Variants in LAGE3 observed in about 807,000 individuals in gnomAD.
The protein encoded by LAGE3 is L antigen family member 3, also known as EKC/KEOPS complex subunit LAGE3.
A neutral mutation model predicts 4.4 loss-of-function variants in LAGE3; 2 were observed. The observed-to-expected ratio is 0.46, with a 90% CI of 0.19 to 1.44. The LOEUF is 1.44. LAGE3 is among the 40% of genes most tolerant of loss of function. LAGE3 has a pLI of 0.26. For synonymous variants in LAGE3, 79 were observed against 60.0 expected (o/e 1.32, Z -1.47); for missense variants, 152 against 138.1 (o/e 1.10, Z -0.51).
Position 154,478,019 on chromosome X carries a change from G to A in LAGE3, c.357C>T (p.Ser119=), listed in dbSNP as rs1557211230. The A allele has an allele frequency of 1.4e-5, 17 of 1,211,921 alleles. No homozygotes were observed. Among genetic ancestry groups the A allele is most frequent in the Non-Finnish European group, 1.9e-5 (17 of 895,283 alleles). The change falls in exon 3 of 3, where the codon TCC becomes TCT. Residue 119 remains serine, a synonymous_variant. Transcript: ENST00000357360. ...AAAGCTGGTCAAGAAAGTTGATGAC[G>A]GAAATTCGGAGCAGGCGACAGTCTT... is the stretch of plus-strand genomic sequence containing the variant. ...KAEDCRLLRI[S]VINFLDQLSL...
Position 154,478,953 on chromosome X carries a change from G to T in LAGE3, c.-38C>A. 1.3e-6 allele frequency: 1 copy of T among 744,248 alleles called. No homozygotes were observed. Among genetic ancestry groups the T allele is most frequent in the Non-Finnish European group, 1.8e-6 (1 of 565,210 alleles). 61.3% of individuals were successfully genotyped at this position (744,248 alleles called of 1,213,427 possible). A position where few individuals can be genotyped will look rare whatever the true frequency, so the allele number is the denominator to read the frequency against. Reference sequence around the variant, plus strand: ...GCCGCTCCGACTCCACCCCCGAAGCGCAGGTCCTACGCCCCGCCCTCTCTG... The same window carrying T: ...GCCGCTCCGACTCCACCCCCGAAGCTCAGGTCCTACGCCCCGCCCTCTCTG... On this transcript the variant is annotated 5_prime_UTR_variant, in exon 1 of 3. Coordinates refer to ENST00000357360, the MANE Select transcript of LAGE3 (RefSeq NM_006014.5).
rs1391346037 is a variant in LAGE3 at position 154,478,069 on chromosome X, G to T, written c.318-11C>A. On this transcript the variant is annotated splice_polypyrimidine_tract_variant and intron_variant, in intron 2 of 2. Coordinates refer to ENST00000357360, the MANE Select transcript of LAGE3 (RefSeq NM_006014.5). ...TCAGCTTTCCAGCGGCTAAAAGTGA[G>T]GGGAAAAGAAAATCAAATTGGAGGT... 8.4e-7 allele frequency: 1 copy of T among 1,191,063 alleles called. No homozygotes were observed. Among genetic ancestry groups the T allele is most frequent in the African/African-American group, 1.8e-5 (1 of 57,115 alleles).
At position 154,478,868 on chromosome X, in the gene LAGE3, A is replaced by G; in HGVS notation, c.48T>C (p.Asp16=). The part of the protein sequence containing the change: ...ADAGGGADGG[D]GRGGHSCRGG... ...CGCGGCAGCTGTGGCCACCCCGGCC[A>G]TCCCCGCCGTCAGCGCCTCCGCCTG... Residue 16 remains aspartate, a synonymous_variant, in exon 1 of 3, where the codon GAT becomes GAC. Coordinates refer to ENST00000357360, the MANE Select transcript of LAGE3 (RefSeq NM_006014.5). 1 of 1,013,715 alleles carries G rather than the reference A, an allele frequency of 9.9e-7. No individual in the cohort carries two copies. Among genetic ancestry groups the G allele is most frequent in the Non-Finnish European group, 1.2e-6 (1 of 803,041 alleles). The allele number at this position is 1,013,715 out of a possible 1,213,427, so 83.5% of individuals were successfully genotyped here.
At position 154,479,007 on chromosome X, in the gene LAGE3, C is replaced by T. The variant is rs1338106918; in HGVS notation, c.-92G>A. ...CTCCTTCCCGAAGCCCCGCCCCCTG[C>T]GCACGACTCCGCCCACACGCGCCTG... On this transcript the variant is annotated 5_prime_UTR_variant, in exon 1 of 3. Coordinates refer to ENST00000357360, the MANE Select transcript of LAGE3 (RefSeq NM_006014.5). 3 of 428,806 alleles carry T rather than the reference C, an allele frequency of 7.0e-6. No individual in the cohort carries two copies. Among genetic ancestry groups the T allele is most frequent in the Non-Finnish European group, 1.1e-5 (3 of 283,570 alleles). 35.3% of individuals were successfully genotyped at this position (428,806 alleles called of 1,213,427 possible).
chrX:154,478,779 C>T lies in LAGE3; in HGVS notation c.137G>A (p.Gly46Asp), dbSNP rs782053419. The T allele has an allele frequency of 9.3e-5, 106 of 1,134,162 alleles. No individual in the cohort carries two copies. The highest frequency in any genetic ancestry group is 1.1e-4 in the Non-Finnish European group (99 of 865,907). The allele number at this position is 1,134,162 out of a possible 1,213,427, so 93.5% of individuals were successfully genotyped here. Residue 46 changes from glycine (G) to aspartate (D), a missense_variant, in exon 1 of 3, where the codon GGC becomes GAC. Coordinates refer to ENST00000357360, the MANE Select transcript of LAGE3 (RefSeq NM_006014.5). ...GAPPAHAPGP[G>D]RDAASAARGS... The stretch of plus-strand genomic sequence containing the variant: ...CCTGGCCGCAGACGCGGCGTCTCTG[C>T]CCGGACCTGGCGCGTGCGCTGGGGG...
chrX:154,478,280 T>C lies in LAGE3; in HGVS notation c.317+3A>G. The C allele has an allele frequency of 5.8e-6, 7 of 1,210,505 alleles. No individual in the cohort carries two copies. The highest frequency in any genetic ancestry group is 7.8e-6 in the Non-Finnish European group (7 of 895,155). On this transcript the variant is annotated splice_donor_region_variant and intron_variant, in intron 2 of 2. Transcript: ENST00000357360. The stretch of plus-strand genomic sequence containing the variant: ...CCCCAACCCCGTCCCTTTCAGAACT[T>C]ACACGACCAGGATCCTGCCACTCAC...
At chrX:154,478,669 C>T (rs1557211389) in intron 1 of LAGE3, 59 bp downstream of exon 1, 4 of 992,560 alleles carry the variant, frequency 4.0e-6, no homozygotes, top group Non-Finnish European at 5.1e-6. Context: ...CCCTCCTTTC[C>T]TTCTCCCCGA....
intron 2 of LAGE3, 92 bp from the exon 3 acceptor site, chrX:154,478,150 G>A: frequency 1.8e-6 from 2 of 1,109,354 alleles, no homozygotes; most frequent in Non-Finnish European, 2.5e-6. Context: ...CAAACCCTTG[G>A]GAGCCCTGCC....
rs1336326649 is a variant in LAGE3, at chrX:154,477,832, A to C, written c.*112T>G. On this transcript the variant is annotated 3_prime_UTR_variant, in exon 3 of 3. Coordinates refer to ENST00000357360, the MANE Select transcript of LAGE3 (RefSeq NM_006014.5). ...ACATTTAAGAACCAGATAAAACATG[A>C]GGCCCTCCCAGGAAAGTAGCAACTG... The C allele has an allele frequency of 1.3e-5, 7 of 522,051 alleles. No individual in the cohort carries two copies. The Admixed American group carries it at 2.5e-4, about 18-fold the overall frequency. The allele number at this position is 522,051 out of a possible 1,213,427, so 43.0% of individuals were successfully genotyped here. A position where few individuals can be genotyped will look rare whatever the true frequency, so the allele number is the denominator to read the frequency against.
At chrX:154,478,621 G>GGCCCCCCCCC in intron 1 of LAGE3, 107 bp downstream of exon 1, 1 of 933,727 alleles carries the variant, frequency 1.1e-6, no homozygotes, top group Non-Finnish European at 1.4e-6. Context: ...GCCAGCCCCG[G>GGCCCCCCCCC]TCCCCCCCTG....
rs1173821843 is a variant in LAGE3 at position 154,477,982 on chromosome X, G to A, written c.394C>T (p.Arg132Trp). 8 of 1,211,907 alleles carry A rather than the reference G, an allele frequency of 6.6e-6. No individual in the cohort carries two copies. The highest frequency in any genetic ancestry group is 8.9e-6 in the Non-Finnish European group (8 of 895,272). ...NFLDQLSLVV[R>W]TMQRFGPPVS... is the part of the protein sequence containing the mutation. ...GGGGGCCCAAAGCGCTGCATGGTCC[G>A]CACCACCAGGGAAAGCTGGTCAAGA... is the stretch of plus-strand genomic sequence containing the variant. The change falls in exon 3 of 3, where the codon CGG becomes TGG. Residue 132 changes from arginine to tryptophan, a missense_variant. Physicochemically the swap from Arg to Trp is moderately radical, Grantham distance 101. Coordinates refer to ENST00000357360, the MANE Select transcript of LAGE3 (RefSeq NM_006014.5).
chrX:154,477,873 T>A lies in LAGE3; in HGVS notation c.*71A>T, dbSNP rs925287204. ...GTAGCAACTGTGGGAATTCCTGCCCTAGGGAAGGATGGACGCACTGCCTAC... is the reference window on the plus strand; with the variant it reads ...GTAGCAACTGTGGGAATTCCTGCCCAAGGGAAGGATGGACGCACTGCCTAC... On this transcript the variant is annotated 3_prime_UTR_variant, in exon 3 of 3. Transcript: ENST00000357360. The A allele has an allele frequency of 3.3e-5, 27 of 828,642 alleles. No homozygotes were observed. The African/African-American group carries it at 5.3e-4, about 16-fold the overall frequency. 68.3% of individuals were successfully genotyped at this position (828,642 alleles called of 1,213,427 possible). A position where few individuals can be genotyped will look rare whatever the true frequency, so the allele number is the denominator to read the frequency against.
Position 154,478,722 on chromosome X carries a change from G to T in LAGE3, c.188+6C>A. On this transcript the variant is annotated splice_donor_region_variant and intron_variant, in intron 1 of 2. Transcript: ENST00000357360. ...CCGCAAGCAGCCCCCAGCTCGGAAA[G>T]GATACAATATGTGCGGCCGCATTCG... 9.5e-7 allele frequency: 1 copy of T among 1,056,491 alleles called. No homozygotes were observed. Among genetic ancestry groups the T allele is most frequent in the Non-Finnish European group, 1.2e-6 (1 of 823,761 alleles). The allele number at this position is 1,056,491 out of a possible 1,213,427, so 87.1% of individuals were successfully genotyped here.
chrX:154,479,232 G>A lies in LAGE3; in HGVS notation c.-317C>T, dbSNP rs2069259267. The A allele has an allele frequency of 4.3e-6, 1 of 230,401 alleles. No homozygotes were observed. The allele number at this position is 230,401 out of a possible 1,213,427, so 19.0% of individuals were successfully genotyped here. The stretch of plus-strand genomic sequence containing the variant: ...CGGCCCCAGGAAGCCAACCCTGACG[G>A]GGCTTTTGAAGACACCGTGGTCGCC... On this transcript the variant is annotated 5_prime_UTR_variant, in exon 1 of 3. Transcript: ENST00000357360.
chrX:154,478,768 C>T lies in LAGE3; in HGVS notation c.148G>A (p.Ala50Thr). The T allele has an allele frequency of 8.9e-7, 1 of 1,123,353 alleles. No individual in the cohort carries two copies. 92.6% of individuals were successfully genotyped at this position (1,123,353 alleles called of 1,213,427 possible). Residue 50 changes from alanine (A) to threonine (T), a missense_variant, in exon 1 of 3, where the codon GCG becomes ACG. By Grantham distance (58) the Ala-to-Thr change is moderately conservative (BLOSUM62 0). Coordinates refer to ENST00000357360, the MANE Select transcript of LAGE3 (RefSeq NM_006014.5). ...ATTCGTGACCCCCTGGCCGCAGACG[C>T]GGCGTCTCTGCCCGGACCTGGCGCG... ...AHAPGPGRDA[A>T]SAARGSRMRP...
intron 2 of LAGE3, 80 bp downstream of exon 2, chrX:154,478,203 C>T (rs1474081740): frequency 3.4e-6 from 4 of 1,162,049 alleles, no homozygotes; most frequent in African/African-American, 3.5e-5. Context: ...GCGCACCTGG[C>T]GCTCCTTAGG....
intron 1 of LAGE3, 35 bp downstream of exon 1, chrX:154,478,693 T>C (rs1557211398): frequency 2.4e-6 from 2 of 828,099 alleles, no homozygotes; most frequent in East Asian, 8.8e-5. Context: ...CAGCCCTCGC[T>C]CCGCCGCAAG....
Position 154,478,869 on chromosome X carries a change from TC to T in LAGE3, c.46del (p.Asp16MetfsTer84). ...GCGGCAGCTGTGGCCACCCCGGCCATCCCCGCCGTCAGCGCCTCCGCCTGCG... is the reference window on the plus strand; with the variant it reads ...GCGGCAGCTGTGGCCACCCCGGCCATCCCGCCGTCAGCGCCTCCGCCTGCG... ...ADAGGGADGGDGRGGHSCRGG... is the reference protein window; with the variant it reads ...ADAGGGADGGXGRGGHSCRGG... On this transcript the variant is annotated frameshift_variant, in exon 1 of 3. Coordinates refer to ENST00000357360, the MANE Select transcript of LAGE3 (RefSeq NM_006014.5). LOFTEE classifies it high-confidence loss of function. The T allele has an allele frequency of 2.0e-6, 2 of 1,011,107 alleles. No homozygotes were observed. The highest frequency in any genetic ancestry group is 2.5e-6 in the Non-Finnish European group (2 of 801,190). 83.3% of individuals were successfully genotyped at this position (1,011,107 alleles called of 1,213,427 possible). A position where few individuals can be genotyped will look rare whatever the true frequency, so the allele number is the denominator to read the frequency against.
intron 1 of LAGE3, 113 bp downstream of exon 1, chrX:154,478,615 G>GCCCCGGGGCC: frequency 1.1e-6 from 1 of 948,918 alleles, no homozygotes; most frequent in Non-Finnish European, 1.4e-6. Context: ...GTATACGCCA[G>GCCCCGGGGCC]CCCCGGTCCC....
Sources: gnomAD v4.1 joint callset for allele counts on GRCh38, gnomAD v4.1.1 for gene constraint, MANE v1.5 for transcripts, NCBI Gene and HGNC (gene_info 2026-07-23, HGNC 2026-07-21) for gene names.